Variants in THRB observed in about 807,000 individuals in gnomAD.
The protein encoded by THRB is nuclear receptor subfamily 1 group A member 2.
Under a neutral mutation model 47.8 loss-of-function variants are expected in THRB, and 12 were observed. The ratio of observed to expected loss-of-function variants is 0.25; its 90% CI spans 0.16 to 0.41. THRB has a LOEUF of 0.41. THRB is among the 10% of genes least tolerant of loss of function. The pLI is 1.00. For synonymous variants in THRB, 218 were observed against 212.2 expected (o/e 1.03, Z -0.24); for missense variants, 348 against 589.2 (o/e 0.59, Z 4.24).
At chr3:24,368,601 A>T (rs528142739) in intron 1 of THRB, among the ~76,000 whole-genome samples, 1 of 152,302 alleles carries the variant, frequency 6.6e-6, no homozygotes, top group Admixed American at 6.5e-5. Context: ...CGCAGAATAA[A>T]ATGGTCTGTT....
At chr3:24,376,109 G>A (rs931241742) in intron 1 of THRB, among the ~76,000 whole-genome samples, 1 of 152,110 alleles carries the variant, frequency 6.6e-6, no homozygotes, top group African/African-American at 2.4e-5. Flanking sequence ...TCAAATTTAT[G>A]TGTGCTTCAG....
intron 2 of THRB, among the ~76,000 whole-genome samples, chr3:24,307,851 T>C (rs1254114064): frequency 3.3e-5 from 5 of 152,184 alleles, no homozygotes; most frequent in Admixed American, 6.5e-5. Context: ...AGCTGAAGTA[T>C]AAAAGGTTGC....
intron 4 of THRB, among the ~76,000 whole-genome samples, chr3:24,215,375 T>C (rs1440043141): frequency 1.3e-5 from 2 of 152,172 alleles, no homozygotes; most frequent in African/African-American, 2.4e-5. Flanking sequence ...GGTTACTTAG[T>C]GGAAAACTGG....
At chr3:24,345,402 T>C (rs946469342) in intron 1 of THRB, among the ~76,000 whole-genome samples, 1 of 152,132 alleles carries the variant, frequency 6.6e-6, no homozygotes, top group African/African-American at 2.4e-5. Context: ...GTCAAGGTTA[T>C]ATACAAGAAC....
chr3:24,229,050 C>T, intron 3 of THRB, 49 bp from the exon 4 acceptor site: 1 of 1,124,120 alleles, frequency 8.9e-7, no homozygotes, highest in Non-Finnish European at 1.3e-6. Context: ...TCTGCATTTT[C>T]CATAATGGTT....
At chr3:24,267,733 G>C (rs2052810780) in intron 3 of THRB, among the ~76,000 whole-genome samples, 1 of 152,150 alleles carries the variant, frequency 6.6e-6, no homozygotes, top group Non-Finnish European at 1.5e-5. Flanking sequence ...TTGCCTCTTA[G>C]TAATTTTCAT....
At chr3:24,263,539 A>G (rs955264955) in intron 3 of THRB, among the ~76,000 whole-genome samples, 1 of 151,574 alleles carries the variant, frequency 6.6e-6, no homozygotes, top group African/African-American at 2.4e-5. Flanking sequence ...TTTCACCCTC[A>G]ATTATTTTTG....
chr3:24,431,170 A>C (rs968863772), intron 1 of THRB: 1 of 152,040 alleles, frequency 6.6e-6, no homozygotes, highest in Non-Finnish European at 1.5e-5. Flanking sequence ...TCATTTAAAA[A>C]AATTCCATAA....
intron 4 of THRB, among the ~76,000 whole-genome samples, chr3:24,228,588 G>A (rs2047920862): frequency 6.9e-6 from 1 of 144,698 alleles, no homozygotes; most frequent in East Asian, 2.0e-4. Context: ...AACCGTGAGT[G>A]CACCACTGCA....
At chr3:24,489,046 G>A (rs1163048788) in intron 1 of THRB, among the ~76,000 whole-genome samples, 1 of 152,040 alleles carries the variant, frequency 6.6e-6, no homozygotes, top group Non-Finnish European at 1.5e-5. Flanking sequence ...ACGAGGTCAG[G>A]AGATCGAGAC....
intron 5 of THRB, among the ~76,000 whole-genome samples, chr3:24,171,559 G>A (rs2040439726): frequency 2.0e-5 from 3 of 152,174 alleles, no homozygotes; most frequent in Admixed American, 2.0e-4. Flanking sequence ...CTTGTCACAT[G>A]GTAGGTGGTA....
intron 1 of THRB, among the ~76,000 whole-genome samples, chr3:24,391,682 C>G (rs2066578935): frequency 6.6e-6 from 1 of 152,116 alleles, no homozygotes; most frequent in Admixed American, 6.6e-5. Flanking sequence ...GTTTACTCCT[C>G]TTTAAGCTTA....
At chr3:24,271,555 AT>A (rs942961927) in intron 3 of THRB, among the ~76,000 whole-genome samples, 1 of 151,542 alleles carries the variant, frequency 6.6e-6, no homozygotes, top group East Asian at 1.9e-4. Context: ...TTCTATTATT[AT>A]TTTTTTTCCT....
chr3:24,413,974 T>C (rs2068540146), intron 1 of THRB, among the ~76,000 whole-genome samples: 1 of 151,870 alleles, frequency 6.6e-6, no homozygotes, highest in Non-Finnish European at 1.5e-5. Context: ...CACACAAGTT[T>C]GTTACTGTTA....
intron 1 of THRB, among the ~76,000 whole-genome samples, chr3:24,381,609 G>C (rs1466415041): frequency 6.6e-6 from 1 of 152,168 alleles, no homozygotes; most frequent in Non-Finnish European, 1.5e-5. Flanking sequence ...TTGAATCCAA[G>C]AGTTTCCACT....
At chr3:24,242,687 G>A (rs1357197541) in intron 3 of THRB, among the ~76,000 whole-genome samples, 3 of 152,068 alleles carry the variant, frequency 2.0e-5, no homozygotes, top group African/African-American at 4.8e-5. Flanking sequence ...TTCTTCTTGA[G>A]GTTCTAGCCT....
At chr3:24,223,521 T>C (rs538037566) in intron 4 of THRB, among the ~76,000 whole-genome samples, 1 of 152,282 alleles carries the variant, frequency 6.6e-6, no homozygotes, top group East Asian at 1.9e-4. Context: ...TACAATTTAT[T>C]TGTAAATGGT....
intron 5 of THRB, among the ~76,000 whole-genome samples, chr3:24,158,023 G>A (rs915905809): frequency 5.9e-5 from 9 of 152,190 alleles, no homozygotes; most frequent in Admixed American, 1.3e-4. Flanking sequence ...GATATAATGC[G>A]TTTGAGTTGG....
intron 1 of THRB, among the ~76,000 whole-genome samples, chr3:24,479,524 G>C (rs1026631331): frequency 1.3e-5 from 2 of 152,308 alleles, no homozygotes; most frequent in South Asian, 2.1e-4. Context: ...CAGGTGGAAA[G>C]TAAGGTCTTA....
Sources: gnomAD v4.1 joint callset for allele counts (sites outside exome capture counted in the v4.1 genomes callset) on GRCh38, gnomAD v4.1.1 for gene constraint, MANE v1.5 for transcripts, NCBI Gene and HGNC (gene_info 2026-07-23, HGNC 2026-07-21) for gene names.